EYS: variants seen among roughly 807,000 people sequenced by gnomAD.
EYS encodes the protein EGF-like photoreceptor maintenance factor.
Under a neutral mutation model 282.1 loss-of-function variants are expected in EYS, and 250 were observed. That is an observed-to-expected ratio of 0.89 (90% CI 0.80 to 0.98). EYS has a LOEUF of 0.98. Ranked by LOEUF, EYS falls within the 50% of genes least tolerant of loss-of-function variation. The pLI, the probability that EYS is intolerant of heterozygous loss-of-function variation, is 0.00. For missense variants in EYS, 4,016 were observed against 3,709.0 expected (o/e 1.08, Z -2.15); for synonymous variants, 1,355 against 1,282.9 (o/e 1.06, Z -1.20).
At chr6:64,630,710 T>C (rs565138150) in intron 22 of EYS, among the ~76,000 whole-genome samples, 1 of 152,330 alleles carries the variant, frequency 6.6e-6, no homozygotes, top group African/African-American at 2.4e-5. Flanking sequence ...GCCCATGATT[T>C]CAATTTTAAA....
At chr6:64,483,921 A>C (rs1401436211) in intron 26 of EYS, among the ~76,000 whole-genome samples, 1 of 151,704 alleles carries the variant, frequency 6.6e-6, no homozygotes, top group Non-Finnish European at 1.5e-5. Context: ...CATAGATTAC[A>C]ATTTTTCAGA....
At chr6:64,040,092 G>C (rs1485440967) in intron 33 of EYS, among the ~76,000 whole-genome samples, 1 of 152,122 alleles carries the variant, frequency 6.6e-6, no homozygotes, top group Non-Finnish European at 1.5e-5. Context: ...TCAGTTCCAA[G>C]TTAGAACTGA....
chr6:64,979,900 T>A (rs1369009842), intron 14 of EYS, among the ~76,000 whole-genome samples: 1 of 151,532 alleles, frequency 6.6e-6, no homozygotes, highest in East Asian at 1.9e-4. Context: ...GACAAATTAT[T>A]TTTAGTAGAT....
intron 31 of EYS, among the ~76,000 whole-genome samples, chr6:64,136,877 C>T (rs1375160900): frequency 3.3e-5 from 5 of 152,106 alleles, no homozygotes; most frequent in Non-Finnish European, 5.9e-5. Flanking sequence ...AACTTAAAGT[C>T]ACCACCTGCA....
rs141818929 is a variant in EYS at position 64,566,117 on chromosome 6, G to A, written c.5644+24106C>T. Among the ~76,000 whole-genome samples, 382 of 152,054 alleles carry A rather than the reference G, an allele frequency of 2.5e-3. 4 individuals carry two copies. Among genetic ancestry groups the A allele is most frequent in the African/African-American group, 8.5e-3 (354 of 41,494 alleles). On this transcript the variant is annotated intron_variant, in intron 26 of 42. Coordinates refer to ENST00000503581, the MANE Select transcript of EYS (RefSeq NM_001142800.2). ...TTTATCTCTTTTCAAGCTATAGGTG[G>A]CTTTTCATTATGATATTCTATATAA...
At chr6:64,548,678 T>C (rs1488028000) in intron 26 of EYS, among the ~76,000 whole-genome samples, 2 of 151,154 alleles carry the variant, frequency 1.3e-5, no homozygotes, top group African/African-American at 4.9e-5. Flanking sequence ...GGGCCTGTTG[T>C]GGGGTGTGGG....
In EYS at chr6:64,675,418, C is replaced by CT. The variant is rs1034029693; in HGVS notation, c.3444-49174dup. Among the ~76,000 whole-genome samples the CT allele has an allele frequency of 6.9e-4, 53 of 76,520 alleles. 1 individual carries two copies. The highest frequency in any genetic ancestry group is 2.4e-3 in the South Asian group (4 of 1,694). 50.2% of individuals were successfully genotyped at this position (76,520 alleles called of 152,430 possible). ...CTTTCTTTTCGTTTTTCCTGTTTCT[C>CT]TTTTTTTTTCTTTTTTTTTTTTTTT... On this transcript the variant is annotated intron_variant, in intron 22 of 42. Transcript: ENST00000503581.
At chr6:64,025,014 G>A (rs1228006118) in intron 33 of EYS, among the ~76,000 whole-genome samples, 5 of 152,122 alleles carry the variant, frequency 3.3e-5, no homozygotes, top group South Asian at 2.1e-4. Flanking sequence ...TGAGACCATC[G>A]CCTATTGCCG....
At chr6:63,763,938 A>T (rs1192445277) in intron 40 of EYS, among the ~76,000 whole-genome samples, 3 of 142,384 alleles carry the variant, frequency 2.1e-5, no homozygotes, top group South Asian at 2.2e-4. Flanking sequence ...CCGTGTGTTT[A>T]TTTTGCCCCC....
At chr6:65,520,315 T>C (rs2127298145) in intron 2 of EYS, among the ~76,000 whole-genome samples, 1 of 152,250 alleles carries the variant, frequency 6.6e-6, no homozygotes, top group Non-Finnish European at 1.5e-5. Context: ...CCACAAAATT[T>C]ATAGTTCTAG....
intron 22 of EYS, among the ~76,000 whole-genome samples, chr6:64,750,400 A>G (rs1340151830): frequency 1.5e-5 from 2 of 137,668 alleles, no homozygotes; most frequent in Non-Finnish European, 3.1e-5. Flanking sequence ...TAGTAATTTT[A>G]CAGCAAATAA....
In EYS at chr6:64,676,079, TAGAG is replaced by T. The variant is rs201503839; in HGVS notation, c.3444-49838_3444-49835del. The stretch of plus-strand genomic sequence containing the variant: ...ATGGATAGATCTATATATAGATAGA[TAGAG>T]AGAGAGAGGGAGAGAGAGAGAGCCA... On this transcript the variant is annotated intron_variant, in intron 22 of 42. Coordinates refer to ENST00000503581, the MANE Select transcript of EYS (RefSeq NM_001142800.2). 6.2e-3 allele frequency among the ~76,000 whole-genome samples: 915 copies of T among 147,070 alleles called. 12 individuals are homozygous for T. The highest frequency in any genetic ancestry group is 7.5e-3 in the Non-Finnish European group (498 of 66,826).
chr6:65,194,853 G>GC (rs1765727295), intron 12 of EYS, among the ~76,000 whole-genome samples: 1 of 142,760 alleles, frequency 7.0e-6, no homozygotes, highest in African/African-American at 2.6e-5. Flanking sequence ...TTTGCCAGTT[G>GC]TTTTTTTTTT....
intron 2 of EYS, among the ~76,000 whole-genome samples, chr6:65,519,209 T>C (rs529001429): frequency 2.5e-4 from 38 of 152,114 alleles, no homozygotes; most frequent in Middle Eastern, 3.4e-3. Flanking sequence ...GGAGATACAA[T>C]TGATTATTGG....
chr6:65,481,589 C>A (rs1438044580), intron 5 of EYS, among the ~76,000 whole-genome samples: 1 of 152,168 alleles, frequency 6.6e-6, no homozygotes, highest in African/African-American at 2.4e-5. Context: ...CGCTCTGTTG[C>A]CCAGGCTGAA....
rs1388502598 is a variant in EYS, at chr6:64,950,792, CATATACATATAT to C, written c.2260-4890_2260-4879del. 5.8e-3 allele frequency among the ~76,000 whole-genome samples: 351 copies of C among 60,924 alleles called. 3 individuals carry two copies. The highest frequency in any genetic ancestry group is 0.026 in the Middle Eastern group (3 of 116). The allele number at this position is 60,924 out of a possible 152,430, so 40.0% of individuals were successfully genotyped here. A position where few individuals can be genotyped will look rare whatever the true frequency, so the allele number is the denominator to read the frequency against. ...TGAATAAAAAATATATACACATATA[CATATACATATAT>C]ATATATATATATATATATATATATA... is the stretch of plus-strand genomic sequence containing the variant. On this transcript the variant is annotated intron_variant, in intron 14 of 42. Transcript: ENST00000503581.
chr6:63,911,629 T>C (rs1764252530), intron 35 of EYS, among the ~76,000 whole-genome samples: 1 of 152,248 alleles, frequency 6.6e-6, no homozygotes, highest in Non-Finnish European at 1.5e-5. Context: ...ACCTGGGTCA[T>C]TCCTTGTTAG....
intron 13 of EYS, among the ~76,000 whole-genome samples, chr6:65,056,422 G>C (rs903604861): frequency 6.6e-6 from 1 of 151,880 alleles, no homozygotes. Flanking sequence ...GTGAAACCCT[G>C]TCTCTACAAA....
intron 13 of EYS, among the ~76,000 whole-genome samples, chr6:65,049,843 T>C (rs1000592327): frequency 6.6e-6 from 1 of 151,774 alleles, no homozygotes; most frequent in Non-Finnish European, 1.5e-5. Flanking sequence ...CCTGTCATCC[T>C]ATTGTTGCAC....
Sources: allele counts gnomAD v4.1 joint callset (sites outside exome capture counted in the v4.1 genomes callset), GRCh38; gene constraint gnomAD v4.1.1; transcripts MANE v1.5; gene names NCBI Gene and HGNC (gene_info 2026-07-23, HGNC 2026-07-21).